SATB2: variants seen among roughly 807,000 people sequenced by gnomAD.
The protein encoded by SATB2 is DNA-binding protein SATB2.
In SATB2, 1 loss-of-function variant was observed where a neutral mutation model predicts 73.4. The ratio of observed to expected loss-of-function variants is 0.01; its 90% CI spans 0.00 to 0.06. The LOEUF (loss-of-function observed/expected upper bound fraction) is 0.06, where lower values mean the gene tolerates loss of function less well. Among genes scored for constraint, SATB2 ranks in the 10% least tolerant of loss-of-function variants. The pLI, the probability that SATB2 is intolerant of heterozygous loss-of-function variation, is 1.00. For synonymous variants in SATB2, 397 were observed against 367.0 expected (o/e 1.08, Z -0.93); for missense variants, 459 against 945.8 (o/e 0.49, Z 6.75).
chr2:199,349,257 C>A, intron 6 of SATB2, 84 bp from the exon 7 acceptor site: 1 of 1,080,148 alleles, frequency 9.3e-7, no homozygotes, highest in Non-Finnish European at 1.4e-6. Flanking sequence ...AATTATCATA[C>A]TTTTGGCATG....
Position 199,456,058 on chromosome 2 carries a change from A to G in SATB2, c.-21T>C. 7.2e-7 allele frequency: 1 copy of G among 1,395,340 alleles called. No homozygotes were observed. The highest frequency in any genetic ancestry group is 9.5e-7 in the Non-Finnish European group (1 of 1,056,434). 86.4% of individuals were successfully genotyped at this position (1,395,340 alleles called of 1,614,324 possible). ...TCCATGCTGCTCCGACTCGGAGACA[A>G]AGTTCCCACCGGCAGGTCGCAATAA... On this transcript the variant is annotated 5_prime_UTR_variant, in exon 2 of 11. Transcript: ENST00000417098.
chr2:199,399,794 A>G (rs6732339), intron 3 of SATB2, among the ~76,000 whole-genome samples: 17 of 152,178 alleles, frequency 1.1e-4, no homozygotes, highest in African/African-American at 4.1e-4. Context: ...CTCACTATTG[A>G]GAGAACAGAA....
intron 9 of SATB2, among the ~76,000 whole-genome samples, chr2:199,310,394 A>G (rs1010774020): frequency 1.3e-5 from 2 of 152,164 alleles, no homozygotes; most frequent in Non-Finnish European, 2.9e-5. Flanking sequence ...TCTTTTTCCA[A>G]GTATTTTCAT....
At chr2:199,346,592 C>T (rs1287704224) in intron 7 of SATB2, among the ~76,000 whole-genome samples, 1 of 152,156 alleles carries the variant, frequency 6.6e-6, no homozygotes, top group African/African-American at 2.4e-5. Flanking sequence ...AATGTATTAA[C>T]TGACTTAACA....
intron 6 of SATB2, among the ~76,000 whole-genome samples, chr2:199,363,194 G>A (rs1481250552): frequency 1.3e-5 from 2 of 152,076 alleles, no homozygotes; most frequent in Non-Finnish European, 2.9e-5. Flanking sequence ...CCATTGGAGG[G>A]CCAAGCAAGC....
intron 7 of SATB2, among the ~76,000 whole-genome samples, chr2:199,332,018 G>A (rs868200260): frequency 6.6e-5 from 10 of 152,010 alleles, no homozygotes; most frequent in Admixed American, 2.6e-4. Flanking sequence ...AAAATGTGGC[G>A]CGGCACCTGG....
At chr2:199,372,635 T>C (rs1161627873) in intron 5 of SATB2, among the ~76,000 whole-genome samples, 2 of 151,812 alleles carry the variant, frequency 1.3e-5, no homozygotes, top group African/African-American at 2.4e-5. Context: ...CAGTATTTCA[T>C]GGATCTCTTA....
upstream of SATB2, chr2:199,467,990 T>A (rs1692625456): frequency 6.6e-6 from 1 of 152,130 alleles, no homozygotes; most frequent in Non-Finnish European, 1.5e-5. Flanking sequence ...AGATGTGGAA[T>A]CCAACAAGAG....
chr2:199,444,268 A>G (rs1459837386), intron 2 of SATB2, among the ~76,000 whole-genome samples: 2 of 152,170 alleles, frequency 1.3e-5, no homozygotes, highest in African/African-American at 2.4e-5. Context: ...CACCCAGCCA[A>G]TGAAAGAGTT....
chr2:199,461,531 T>C (rs899469339), upstream of SATB2, among the ~76,000 whole-genome samples: 4 of 152,216 alleles, frequency 2.6e-5, no homozygotes, highest in Non-Finnish European at 5.9e-5. Context: ...TTAAAAATAC[T>C]TTTATCTAAA....
chr2:199,466,318 T>C (rs911668777), upstream of SATB2, among the ~76,000 whole-genome samples: 2 of 152,190 alleles, frequency 1.3e-5, no homozygotes. Flanking sequence ...ATCTGAGCTG[T>C]GGGTGTACAT....
chr2:199,431,127 C>T (rs947438181), intron 3 of SATB2, among the ~76,000 whole-genome samples: 1 of 152,118 alleles, frequency 6.6e-6, no homozygotes, highest in Non-Finnish European at 1.5e-5. Context: ...AAAAAACTAC[C>T]CCCATAAAAC....
chr2:199,365,549 G>C (rs1183457944), intron 6 of SATB2, among the ~76,000 whole-genome samples: 1 of 151,966 alleles, frequency 6.6e-6, no homozygotes, highest in Middle Eastern at 3.2e-3. Flanking sequence ...GTGATCACTG[G>C]GGAAAATAAA....
intron 6 of SATB2, among the ~76,000 whole-genome samples, chr2:199,353,846 A>T (rs1688893147): frequency 1.3e-5 from 2 of 152,166 alleles, no homozygotes; most frequent in East Asian, 3.9e-4. Flanking sequence ...AATGGAAAAC[A>T]TCATGTTAAG....
rs1692144592 is a variant in SATB2 at position 199,271,196 on chromosome 2, CACA to C, written c.*1012_*1014del. The C allele has an allele frequency of 6.5e-6, 1 of 152,754 alleles. No homozygotes were observed. The highest frequency in any genetic ancestry group is 2.4e-5 in the African/African-American group (1 of 41,442). 9.5% of individuals were successfully genotyped at this position (152,754 alleles called of 1,614,324 possible). A position where few individuals can be genotyped will look rare whatever the true frequency, so the allele number is the denominator to read the frequency against. On this transcript the variant is annotated 3_prime_UTR_variant, in exon 11 of 11. Coordinates refer to ENST00000417098, the MANE Select transcript of SATB2 (RefSeq NM_001172509.2). ...AAGCCACAAGCAGGTAAATAAATTT[CACA>C]ACAAAATGTGGCTCATACTATGAAT...
At chr2:199,309,942 C>T (rs1037302781) in intron 9 of SATB2, among the ~76,000 whole-genome samples, 5 of 152,140 alleles carry the variant, frequency 3.3e-5, no homozygotes, top group African/African-American at 4.8e-5. Context: ...GTTCCTGACA[C>T]GCATTATAAA....
upstream of SATB2, among the ~76,000 whole-genome samples, chr2:199,467,036 C>A (rs1197466941): frequency 6.6e-6 from 1 of 152,256 alleles, no homozygotes; most frequent in East Asian, 1.9e-4. Flanking sequence ...CCCGGCTGGC[C>A]GCCCAGGCTG....
Position 199,381,738 on chromosome 2 carries a change from T to A in SATB2, c.429A>T (p.Leu143=), listed in dbSNP as rs758472659. ...DAPDATVADM[L]QDVYHVVTLK... is the part of the protein sequence containing the mutation. ...ACGTCACAACATGATAGACATCTTG[T>A]AGCATGTCGGCCACTGTCGCGTCGG... The change falls in exon 4 of 11, where the codon CTA becomes CTT. Residue 143 remains leucine (L), a synonymous_variant. Transcript: ENST00000417098. 6.2e-7 allele frequency: 1 copy of A among 1,614,124 alleles called. No individual in the cohort carries two copies. Among genetic ancestry groups the A allele is most frequent in the Admixed American group, 1.7e-5 (1 of 60,010 alleles).
At chr2:199,392,406 C>T (rs1574582428) in intron 3 of SATB2, among the ~76,000 whole-genome samples, 1 of 147,862 alleles carries the variant, frequency 6.8e-6, no homozygotes, top group Admixed American at 6.8e-5. Flanking sequence ...GCTGAATAGA[C>T]AATACCCAGG....
Sources: allele counts gnomAD v4.1 joint callset (sites outside exome capture counted in the v4.1 genomes callset), GRCh38; gene constraint gnomAD v4.1.1; transcripts MANE v1.5; gene names NCBI Gene and HGNC (gene_info 2026-07-23, HGNC 2026-07-21).